The following SLC9A9 variants were observed in gnomAD, a reference collection of about 807,000 sequenced individuals.
SLC9A9 encodes solute carrier family 9 member A9, also known as sodium/hydrogen exchanger 9.
Under a neutral mutation model 77.8 loss-of-function variants are expected in SLC9A9, and 62 were observed. The observed-to-expected ratio is 0.80, with a 90% CI of 0.65 to 0.98. The LOEUF (loss-of-function observed/expected upper bound fraction) is 0.98, where lower values mean the gene tolerates loss of function less well. Ranked by LOEUF, SLC9A9 falls within the 50% of genes least tolerant of loss-of-function variation. SLC9A9 has a pLI of 0.00. For synonymous variants in SLC9A9, 320 were observed against 283.5 expected (o/e 1.13, Z -1.29); for missense variants, 775 against 774.9 (o/e 1.00, Z 0.00).
At chr3:143,815,260 A>C (rs1229060602) in intron 2 of SLC9A9, among the ~76,000 whole-genome samples, 1 of 152,194 alleles carries the variant, frequency 6.6e-6, no homozygotes, top group Non-Finnish European at 1.5e-5. Context: ...AAAAATTAAA[A>C]AAGCACTCTT....
chr3:143,825,544 T>C (rs1315105256), intron 2 of SLC9A9, among the ~76,000 whole-genome samples: 3 of 152,220 alleles, frequency 2.0e-5, no homozygotes, highest in Non-Finnish European at 4.4e-5. Context: ...AAAGTAGCTC[T>C]AAAATATGTA....
intron 6 of SLC9A9, among the ~76,000 whole-genome samples, chr3:143,590,195 A>T: frequency 6.6e-6 from 1 of 152,176 alleles, no homozygotes; most frequent in Admixed American, 6.5e-5. Context: ...TAGAGTAACT[A>T]CTTATCTGTC....
intron 14 of SLC9A9, among the ~76,000 whole-genome samples, chr3:143,297,760 A>G (rs2030341179): frequency 6.6e-6 from 1 of 152,240 alleles, no homozygotes; most frequent in South Asian, 2.1e-4. Context: ...ATGCCATTAT[A>G]AATGAAATTA....
At position 143,780,337 on chromosome 3, in the gene SLC9A9, A is replaced by T. The variant is rs555560005; in HGVS notation, c.533+14664T>A. Reference sequence around the variant, plus strand: ...TGGTGGTTAGTATTTGGAGGGAAGAAGACGTTGGCACATTACATGCAACCA... The same window carrying T: ...TGGTGGTTAGTATTTGGAGGGAAGATGACGTTGGCACATTACATGCAACCA... On this transcript the variant is annotated intron_variant, in intron 4 of 15. Coordinates refer to ENST00000316549, the MANE Select transcript of SLC9A9 (RefSeq NM_173653.4). Among the ~76,000 whole-genome samples the T allele has an allele frequency of 5.3e-4, 80 of 152,350 alleles. 1 individual carries two copies. The highest frequency in any genetic ancestry group is 1.9e-3 in the African/African-American group (78 of 41,592).
At chr3:143,391,106 T>C (rs2033555132) in intron 12 of SLC9A9, among the ~76,000 whole-genome samples, 2 of 152,204 alleles carry the variant, frequency 1.3e-5, no homozygotes, top group South Asian at 2.1e-4. Flanking sequence ...AGAGTAGTGG[T>C]TCTCCCAACA....
In SLC9A9 at chr3:143,265,561, A is replaced by G. The variant is rs1376144314; in HGVS notation, c.*1141T>C. 4 of 245,548 alleles carry G rather than the reference A, an allele frequency of 1.6e-5. No individual in the cohort carries two copies. The highest frequency in any genetic ancestry group is 3.1e-5 in the Non-Finnish European group (4 of 129,340). 15.2% of individuals were successfully genotyped at this position (245,548 alleles called of 1,614,324 possible). ...CCTGGAGCCTATTTTTTCGAGTCTA[A>G]TATGAACATCTGGATTTCAAGAGGT... On this transcript the variant is annotated 3_prime_UTR_variant, in exon 16 of 16. Transcript: ENST00000316549.
chr3:143,573,839 C>CT (rs1344228042), intron 8 of SLC9A9, among the ~76,000 whole-genome samples: 2 of 152,324 alleles, frequency 1.3e-5, no homozygotes, highest in African/African-American at 4.8e-5. Context: ...AACACGCCTC[C>CT]TGTCCAGCCA....
intron 12 of SLC9A9, among the ~76,000 whole-genome samples, chr3:143,387,823 A>C (rs368886056): frequency 3.3e-4 from 50 of 151,896 alleles, no homozygotes; most frequent in African/African-American, 1.2e-3. Context: ...TTTTTCTTAG[A>C]GGGAAAGCAA....
At chr3:143,810,447 C>T (rs1217748679) in intron 2 of SLC9A9, among the ~76,000 whole-genome samples, 1 of 152,180 alleles carries the variant, frequency 6.6e-6, no homozygotes, top group Non-Finnish European at 1.5e-5. Flanking sequence ...CTTTTAAAAA[C>T]ATTGTTTCAT....
At chr3:143,392,128 C>T (rs772267450) in intron 12 of SLC9A9, among the ~76,000 whole-genome samples, 11 of 152,118 alleles carry the variant, frequency 7.2e-5, no homozygotes, top group Non-Finnish European at 1.5e-4. Context: ...TTGAGAAGAG[C>T]AACTCCAAGA....
intron 6 of SLC9A9, among the ~76,000 whole-genome samples, chr3:143,591,246 C>T (rs955269756): frequency 1.3e-5 from 2 of 152,312 alleles, no homozygotes; most frequent in East Asian, 3.9e-4. Context: ...AATCTGTATC[C>T]ATCTTCTTAG....
intron 4 of SLC9A9, among the ~76,000 whole-genome samples, chr3:143,724,872 G>A (rs763323528): frequency 2.0e-5 from 3 of 152,064 alleles, no homozygotes; most frequent in African/African-American, 4.8e-5. Flanking sequence ...TAACATCAAA[G>A]GTAGGATGCC....
At chr3:143,378,369 T>C (rs2033229410) in intron 13 of SLC9A9, among the ~76,000 whole-genome samples, 1 of 152,198 alleles carries the variant, frequency 6.6e-6, no homozygotes, top group South Asian at 2.1e-4. Context: ...TGTGTGTTCT[T>C]GGGCAAGTTT....
intron 11 of SLC9A9, among the ~76,000 whole-genome samples, chr3:143,478,618 T>C (rs921058524): frequency 2.0e-5 from 3 of 152,258 alleles, no homozygotes; most frequent in Non-Finnish European, 2.9e-5. Flanking sequence ...GGATGGATAC[T>C]TAGCACAAGG....
At chr3:143,300,080 TG>T (rs2030454502) in intron 14 of SLC9A9, among the ~76,000 whole-genome samples, 1 of 152,184 alleles carries the variant, frequency 6.6e-6, no homozygotes, top group Non-Finnish European at 1.5e-5. Flanking sequence ...GTAGCCCATT[TG>T]GAATGTTTGG....
chr3:143,456,789 T>G (rs1222383902), intron 12 of SLC9A9, among the ~76,000 whole-genome samples: 1 of 152,124 alleles, frequency 6.6e-6, no homozygotes. Context: ...GGTCTCGAAC[T>G]CCTGACCTCA....
intron 12 of SLC9A9, among the ~76,000 whole-genome samples, chr3:143,446,604 A>C (rs951055583): frequency 6.6e-6 from 1 of 152,170 alleles, no homozygotes; most frequent in African/African-American, 2.4e-5. Context: ...GGAGTCTCAC[A>C]GTCTAAGGTG....
intron 2 of SLC9A9, among the ~76,000 whole-genome samples, chr3:143,810,988 G>A (rs2108871740): frequency 6.6e-6 from 1 of 152,214 alleles, no homozygotes; most frequent in South Asian, 2.1e-4. Context: ...AGCAGCATAT[G>A]AGTTGGATTT....
intron 13 of SLC9A9, 68 bp from the exon 14 acceptor site, chr3:143,363,631 T>C: frequency 1.4e-6 from 2 of 1,386,536 alleles, no homozygotes; most frequent in Non-Finnish European, 2.0e-6. Flanking sequence ...AAAATACATG[T>C]CAAACCAAGT....
Sources: allele counts gnomAD v4.1 joint callset (sites outside exome capture counted in the v4.1 genomes callset), GRCh38; gene constraint gnomAD v4.1.1; transcripts MANE v1.5; gene names NCBI Gene and HGNC (gene_info 2026-07-23, HGNC 2026-07-21).